The following KCTD16 variants were observed in gnomAD, a reference collection of about 807,000 sequenced individuals.
KCTD16 encodes the protein potassium channel tetramerization domain containing 16, also known as BTB/POZ domain-containing protein KCTD16.
In KCTD16, 13 loss-of-function variants were observed where a neutral mutation model predicts 33.2. The observed-to-expected ratio is 0.39, with a 90% CI of 0.25 to 0.62. KCTD16 has a LOEUF of 0.62. Among genes scored for constraint, KCTD16 ranks in the 20% least tolerant of loss-of-function variants. KCTD16 has a pLI of 0.50. For missense variants in KCTD16, 441 were observed against 525.1 expected (o/e 0.84, Z 1.57); for synonymous variants, 197 against 195.3 (o/e 1.01, Z -0.07).
At position 144,265,456 on chromosome 5, in the gene KCTD16, T is replaced by C. The variant is rs11747547; in HGVS notation, c.832+57910T>C. Among the ~76,000 whole-genome samples, 5 of 152,308 alleles carry C rather than the reference T, an allele frequency of 3.3e-5. No homozygotes were observed. In the South Asian group the frequency reaches 1.0e-3, roughly 32 times the overall value. ...TTGTTGGAATAATACGATCTCCTTGTAATACTTTGTCAGAAAACACACTGA... is the reference window on the plus strand; with the variant it reads ...TTGTTGGAATAATACGATCTCCTTGCAATACTTTGTCAGAAAACACACTGA... On this transcript the variant is annotated intron_variant, in intron 3 of 3. Transcript: ENST00000512467.
At chr5:144,246,624 A>G (rs1008110982) in intron 3 of KCTD16, among the ~76,000 whole-genome samples, 5 of 151,204 alleles carry the variant, frequency 3.3e-5, no homozygotes, top group African/African-American at 1.2e-4. Flanking sequence ...CTCAAGTAAA[A>G]CACAACAAAT....
intron 3 of KCTD16, among the ~76,000 whole-genome samples, chr5:144,428,843 G>C (rs1170816601): frequency 6.6e-6 from 1 of 152,178 alleles, no homozygotes; most frequent in Non-Finnish European, 1.5e-5. Context: ...ATATTTGAGA[G>C]GGGCAGATGC....
intron 3 of KCTD16, among the ~76,000 whole-genome samples, chr5:144,339,822 G>A (rs1752582910): frequency 6.6e-6 from 1 of 152,138 alleles, no homozygotes; most frequent in African/African-American, 2.4e-5. Context: ...AAAATACGCA[G>A]AAAGGCAAAT....
At chr5:144,451,386 G>C (rs554999978) in intron 3 of KCTD16, among the ~76,000 whole-genome samples, 1 of 152,114 alleles carries the variant, frequency 6.6e-6, no homozygotes, top group Non-Finnish European at 1.5e-5. Flanking sequence ...GTCTGTTTGG[G>C]TGTGGTATGG....
chr5:144,286,917 C>T (rs1755761181), intron 3 of KCTD16, among the ~76,000 whole-genome samples: 1 of 152,162 alleles, frequency 6.6e-6, no homozygotes, highest in Non-Finnish European at 1.5e-5. Flanking sequence ...TGAGCACTTA[C>T]TATGTACCAG....
Position 144,389,806 on chromosome 5 carries a change from C to T in KCTD16, c.833-83854C>T, listed in dbSNP as rs1015601651. 3.3e-5 allele frequency among the ~76,000 whole-genome samples: 5 copies of T among 152,194 alleles called. No homozygotes were observed. In the East Asian group the frequency reaches 7.7e-4, roughly 23 times the overall value. On this transcript the variant is annotated intron_variant, in intron 3 of 3. Transcript: ENST00000512467. The stretch of plus-strand genomic sequence containing the variant: ...ATGCACAAGCATGCTGATAAACATT[C>T]TCTTGGTTGTGTCAAGCTGCCCTTT...
At chr5:144,199,319 T>C (rs142460038) in intron 2 of KCTD16, among the ~76,000 whole-genome samples, 3 of 152,294 alleles carry the variant, frequency 2.0e-5, no homozygotes, top group Non-Finnish European at 4.4e-5. Context: ...TATTACATAG[T>C]ACATAGAGCA....
chr5:144,206,948 T>C lies in KCTD16; in HGVS notation c.234T>C (p.Asp78=), dbSNP rs140212166. 1.0e-4 allele frequency: 161 copies of C among 1,614,136 alleles called. No homozygotes were observed. The East Asian group carries it at 3.5e-3, about 35-fold the overall frequency. The stretch of plus-strand genomic sequence containing the variant: ...AGGGAAGGTTTTTCATTGACAGAGA[T>C]GGATTCTTGTTCCGTTATATTCTGG... ...DSKGRFFIDR[D]GFLFRYILDY... is the part of the protein sequence containing the mutation. The change falls in exon 3 of 4, where the codon GAT becomes GAC. Residue 78 remains aspartate (D), a synonymous_variant. Transcript: ENST00000512467.
chr5:144,297,247 C>G (rs1756064823), intron 3 of KCTD16, among the ~76,000 whole-genome samples: 1 of 152,136 alleles, frequency 6.6e-6, no homozygotes, highest in African/African-American at 2.4e-5. Flanking sequence ...ACTATACTAC[C>G]ATGGGTGTGC....
At chr5:144,394,703 T>C (rs1262868371) in intron 3 of KCTD16, among the ~76,000 whole-genome samples, 2 of 152,208 alleles carry the variant, frequency 1.3e-5, no homozygotes, top group Non-Finnish European at 2.9e-5. Context: ...CTGATGGTTT[T>C]GTAAGAATCT....
chr5:144,303,369 C>T (rs79870242), intron 3 of KCTD16, among the ~76,000 whole-genome samples: 1 of 152,136 alleles, frequency 6.6e-6, no homozygotes, highest in African/African-American at 2.4e-5. Context: ...CTTGTGAGAT[C>T]TCTGTAAAAT....
At chr5:144,432,649 G>T (rs1205089980) in intron 3 of KCTD16, among the ~76,000 whole-genome samples, 1 of 152,074 alleles carries the variant, frequency 6.6e-6, no homozygotes, top group Non-Finnish European at 1.5e-5. Context: ...GTGTGTGTGT[G>T]TGTGTGTATA....
intron 3 of KCTD16, among the ~76,000 whole-genome samples, chr5:144,470,062 A>C (rs945955221): frequency 2.6e-5 from 4 of 152,018 alleles, no homozygotes; most frequent in Non-Finnish European, 5.9e-5. Flanking sequence ...AAATGGAGAG[A>C]ATTATTCCAG....
At chr5:144,306,884 C>T (rs532125946) in intron 3 of KCTD16, among the ~76,000 whole-genome samples, 69 of 152,292 alleles carry the variant, frequency 4.5e-4, no homozygotes, top group African/African-American at 1.6e-3. Context: ...TGGGACAACA[C>T]GTTCAAGTCC....
chr5:144,429,157 T>A (rs572370494), intron 3 of KCTD16, among the ~76,000 whole-genome samples: 1 of 152,166 alleles, frequency 6.6e-6, no homozygotes, highest in South Asian at 2.1e-4. Context: ...ACAGATTGAT[T>A]TTGAAGAAAA....
At chr5:144,277,520 A>G (rs555494994) in intron 3 of KCTD16, among the ~76,000 whole-genome samples, 1 of 152,368 alleles carries the variant, frequency 6.6e-6, no homozygotes, top group African/African-American at 2.4e-5. Context: ...ATCCAATAAA[A>G]TTGAGTATCA....
intron 3 of KCTD16, among the ~76,000 whole-genome samples, chr5:144,304,576 C>T (rs1300272619): frequency 6.6e-6 from 1 of 152,032 alleles, no homozygotes; most frequent in Non-Finnish European, 1.5e-5. Context: ...AAAGCAGTTT[C>T]CTTTCTGTCT....
intron 3 of KCTD16, among the ~76,000 whole-genome samples, chr5:144,380,227 A>C (rs1044036904): frequency 1.5e-4 from 23 of 152,290 alleles, no homozygotes; most frequent in Non-Finnish European, 2.8e-4. Context: ...TCAAGAGTAC[A>C]ATCCCATTCA....
At position 144,398,261 on chromosome 5, in the gene KCTD16, T is replaced by G. The variant is rs140783970; in HGVS notation, c.833-75399T>G. Among the ~76,000 whole-genome samples, 40 of 152,322 alleles carry G rather than the reference T, an allele frequency of 2.6e-4. 1 individual carries two copies. The East Asian group carries it at 6.2e-3, about 24-fold the overall frequency. On this transcript the variant is annotated intron_variant, in intron 3 of 3. Coordinates refer to ENST00000512467, the MANE Select transcript of KCTD16 (RefSeq NM_020768.4). ...TAGTTTTCAAAAATATTCAGTAACA[T>G]GTTCACTACTATTTTTCATATTTAC... is the stretch of plus-strand genomic sequence containing the variant.
Sources: gnomAD v4.1 joint callset for allele counts (sites outside exome capture counted in the v4.1 genomes callset) on GRCh38, gnomAD v4.1.1 for gene constraint, MANE v1.5 for transcripts, NCBI Gene and HGNC (gene_info 2026-07-23, HGNC 2026-07-21) for gene names.